Variants in ARHGAP10 observed in about 807,000 individuals in gnomAD.
ARHGAP10 encodes rho GTPase-activating protein 10.
Under a neutral mutation model 108.6 loss-of-function variants are expected in ARHGAP10, and 87 were observed. The ratio of observed to expected loss-of-function variants is 0.80; its 90% CI spans 0.67 to 0.96. The LOEUF is 0.96. ARHGAP10 is among the 40% of genes least tolerant of loss of function. ARHGAP10 has a pLI of 0.00. For missense variants in ARHGAP10, 939 were observed against 954.5 expected, an observed-to-expected ratio of 0.98 and a Z score of 0.21; for synonymous variants, 347 against 341.1, an observed-to-expected ratio of 1.02 and a Z score of -0.19.
chr4:147,902,745 A>G (rs1184321049), intron 10 of ARHGAP10, among the ~76,000 whole-genome samples: 2 of 152,096 alleles, frequency 1.3e-5, no homozygotes, highest in Non-Finnish European at 2.9e-5. Context: ...CATCTCAAAA[A>G]TAAAGAAGGG....
At chr4:147,842,719 C>T (rs1442885167) in intron 3 of ARHGAP10, among the ~76,000 whole-genome samples, 2 of 152,186 alleles carry the variant, frequency 1.3e-5, no homozygotes, top group Non-Finnish European at 2.9e-5. Context: ...AGGGGGCCTT[C>T]CTCCTCTGCT....
intron 19 of ARHGAP10, among the ~76,000 whole-genome samples, chr4:148,045,598 C>T (rs1206083932): frequency 5.9e-5 from 9 of 151,708 alleles, no homozygotes; most frequent in East Asian, 1.9e-4. Flanking sequence ...ATTAGCCGGG[C>T]GTGGTGGTGC....
At chr4:148,066,604 A>G (rs1260365293) in intron 22 of ARHGAP10, among the ~76,000 whole-genome samples, 3 of 152,246 alleles carry the variant, frequency 2.0e-5, no homozygotes, top group Non-Finnish European at 4.4e-5. Flanking sequence ...ACACATGTGC[A>G]CACAAATACC....
chr4:147,775,071 C>T (rs574272761), intron 1 of ARHGAP10, among the ~76,000 whole-genome samples: 25 of 152,220 alleles, frequency 1.6e-4, no homozygotes, highest in South Asian at 4.2e-4. Context: ...CTCGCCACCA[C>T]GCCTGGCTAA....
intron 3 of ARHGAP10, among the ~76,000 whole-genome samples, chr4:147,838,987 A>G (rs1733286133): frequency 1.3e-5 from 2 of 152,208 alleles, no homozygotes. Flanking sequence ...ATAATGGGAA[A>G]GTCCACTCCT....
At chr4:147,982,601 A>G (rs971311103) in intron 18 of ARHGAP10, among the ~76,000 whole-genome samples, 20 of 102,928 alleles carry the variant, frequency 1.9e-4, no homozygotes, top group African/African-American at 7.0e-4. Context: ...GGGTCTCCCT[A>G]TGTTGCCCAG....
At chr4:147,742,054 C>T (rs1728699155) in intron 1 of ARHGAP10, among the ~76,000 whole-genome samples, 1 of 152,098 alleles carries the variant, frequency 6.6e-6, no homozygotes, top group Non-Finnish European at 1.5e-5. Flanking sequence ...CTTCTACCCT[C>T]ACTCTTGGTG....
intron 3 of ARHGAP10, among the ~76,000 whole-genome samples, chr4:147,834,713 C>A: frequency 6.8e-6 from 1 of 146,588 alleles, no homozygotes; most frequent in African/African-American, 2.7e-5. Flanking sequence ...CATACACATA[C>A]CCACCCACTT....
At chr4:147,806,115 A>G (rs1731774661) in intron 1 of ARHGAP10, among the ~76,000 whole-genome samples, 1 of 152,138 alleles carries the variant, frequency 6.6e-6, no homozygotes, top group South Asian at 2.1e-4. Context: ...ATACTGACGG[A>G]GCTGAGTGAC....
chr4:147,957,168 A>G (rs1738816950), intron 16 of ARHGAP10, among the ~76,000 whole-genome samples: 1 of 152,176 alleles, frequency 6.6e-6, no homozygotes, highest in South Asian at 2.1e-4. Flanking sequence ...TTTCTACTGT[A>G]ATCATTGGCA....
intron 20 of ARHGAP10, 146 bp downstream of exon 20, chr4:148,047,197 A>G (rs1728927208): frequency 1.0e-6 from 1 of 972,600 alleles, no homozygotes; most frequent in Non-Finnish European, 1.5e-6. Context: ...CACCAAAGGG[A>G]GAAGGGTCCT....
chr4:148,005,224 A>G (rs868077285), intron 18 of ARHGAP10, among the ~76,000 whole-genome samples: 5 of 152,204 alleles, frequency 3.3e-5, no homozygotes, highest in Admixed American at 1.3e-4. Context: ...GCATTCAGTT[A>G]GTGTGTGAAT....
intron 18 of ARHGAP10, among the ~76,000 whole-genome samples, chr4:148,013,333 G>A (rs371762243): frequency 1.4e-3 from 208 of 152,290 alleles, no homozygotes; most frequent in African/African-American, 4.5e-3. Context: ...CCTGCCTTCA[G>A]GGGATGTGTT....
intron 17 of ARHGAP10, 96 bp from the exon 18 acceptor site, chr4:147,966,584 C>G: frequency 8.3e-7 from 1 of 1,200,834 alleles, no homozygotes; most frequent in Non-Finnish European, 1.1e-6. Flanking sequence ...TCTCTTGACC[C>G]CTTGCTTTTA....
chr4:148,008,760 G>A (rs1741052754), intron 18 of ARHGAP10, among the ~76,000 whole-genome samples: 1 of 152,076 alleles, frequency 6.6e-6, no homozygotes, highest in African/African-American at 2.4e-5. Flanking sequence ...TCTGTGAGGT[G>A]AGAGCTATTT....
rs563179528 is a variant in ARHGAP10, at chr4:147,764,481, G to A, written c.154+32026G>A. ...GCTCCCATGCAGTAATAGTGACTTT[G>A]AGGTAAAAAAAAAAAACCTCCAAAT... On this transcript the variant is annotated intron_variant, in intron 1 of 22. Coordinates refer to ENST00000336498, the MANE Select transcript of ARHGAP10 (RefSeq NM_024605.4). Among the ~76,000 whole-genome samples the A allele has an allele frequency of 5.3e-3, 787 of 149,902 alleles. 1 individual carries two copies. The highest frequency in any genetic ancestry group is 9.2e-3 in the Non-Finnish European group (623 of 67,476).
intron 13 of ARHGAP10, among the ~76,000 whole-genome samples, chr4:147,929,749 CTTCA>C (rs1359173639): frequency 6.6e-6 from 1 of 151,998 alleles, no homozygotes; most frequent in Non-Finnish European, 1.5e-5. Flanking sequence ...TGCGTTTTTC[CTTCA>C]TTTTCAAGAA....
At chr4:147,796,109 C>G (rs1257624491) in intron 1 of ARHGAP10, among the ~76,000 whole-genome samples, 1 of 152,140 alleles carries the variant, frequency 6.6e-6, no homozygotes, top group Admixed American at 6.5e-5. Context: ...ATTTCCCCCC[C>G]TTCTTGTAGT....
At chr4:147,880,917 G>C (rs1477136662) in intron 9 of ARHGAP10, among the ~76,000 whole-genome samples, 3 of 150,054 alleles carry the variant, frequency 2.0e-5, no homozygotes, top group Non-Finnish European at 3.0e-5. Context: ...CTAAAAAAAA[G>C]AGTACAATAA....
Sources: gnomAD v4.1 joint callset for allele counts (sites outside exome capture counted in the v4.1 genomes callset) on GRCh38, gnomAD v4.1.1 for gene constraint, MANE v1.5 for transcripts, NCBI Gene and HGNC (gene_info 2026-07-23, HGNC 2026-07-21) for gene names.